Variants in PCSK5 observed in about 807,000 individuals in gnomAD.
PCSK5 encodes the protein prohormone convertase 5.
In PCSK5, 129 loss-of-function variants were observed where a neutral mutation model predicts 233.2. That is an observed-to-expected ratio of 0.55 (90% CI 0.48 to 0.64). The LOEUF (loss-of-function observed/expected upper bound fraction) is 0.64, where lower values mean the gene tolerates loss of function less well. PCSK5 is among the 30% of genes least tolerant of loss of function. The pLI, the probability that PCSK5 is intolerant of heterozygous loss-of-function variation, is 0.00. For missense variants in PCSK5, 2,076 were observed against 2,430.1 expected (o/e 0.85, Z 3.06); for synonymous variants, 825 against 879.2 (o/e 0.94, Z 1.09).
chr9:76,090,615 G>A lies in PCSK5; in HGVS notation c.895-5275G>A, dbSNP rs527565020. 8.5e-5 allele frequency among the ~76,000 whole-genome samples: 13 copies of A among 152,160 alleles called. No homozygotes were observed. In the South Asian group the frequency reaches 1.2e-3, roughly 15 times the overall value. On this transcript the variant is annotated intron_variant, in intron 7 of 37. Transcript: ENST00000674117. ...ATTGTTCTTCTCTTCCTCTCTCCTC[G>A]TATTAGCCTGGGCTACTGTAACAAA...
chr9:76,072,300 AG>A (rs1348501222), intron 7 of PCSK5, among the ~76,000 whole-genome samples: 2 of 152,090 alleles, frequency 1.3e-5, no homozygotes, highest in African/African-American at 4.8e-5. Flanking sequence ...TACTTTCCCT[AG>A]TTTCTCTCAC....
intron 2 of PCSK5, among the ~76,000 whole-genome samples, chr9:75,938,430 G>A (rs1454693355): frequency 6.6e-6 from 1 of 152,088 alleles, no homozygotes; most frequent in East Asian, 1.9e-4. Flanking sequence ...CAACATCAAA[G>A]ATCATTGATC....
intron 2 of PCSK5, among the ~76,000 whole-genome samples, chr9:75,944,929 GAGAA>G (rs1162572201): frequency 6.6e-6 from 1 of 151,974 alleles, no homozygotes; most frequent in African/African-American, 2.4e-5. Context: ...GACCAACATG[GAGAA>G]ACACCATCTC....
At chr9:76,345,325 C>T (rs1225040993) in intron 35 of PCSK5, among the ~76,000 whole-genome samples, 6 of 152,010 alleles carry the variant, frequency 3.9e-5, no homozygotes, top group African/African-American at 1.2e-4. Flanking sequence ...TTCCGCCTGC[C>T]GGGTTCAAGG....
rs371026471 is a variant in PCSK5 at position 75,926,325 on chromosome 9, T to C, written c.193-6054T>C. ...GCTGACAAATGTATATACCCAGTGA[T>C]GTGCTGATAAATAGTTAACTGGCCC... On this transcript the variant is annotated intron_variant, in intron 1 of 37. Coordinates refer to ENST00000674117, the MANE Select transcript of PCSK5 (RefSeq NM_001372043.1). Among the ~76,000 whole-genome samples the C allele has an allele frequency of 2.6e-5, 4 of 152,316 alleles. No individual in the cohort carries two copies. In the East Asian group the frequency reaches 5.8e-4, roughly 22 times the overall value.
At position 76,159,010 on chromosome 9, in the gene PCSK5, C is replaced by T. The variant is rs1822730440; in HGVS notation, c.1458C>T (p.Arg486=). ...IKTIRPNSAV[R]SIYKASGCSD... ...CAATCCGCCCTAACAGTGCAGTGCG[C>T]TCCATCTACAAAGCTTCAGGCTGCT... The change falls in exon 12 of 38, where the codon CGC becomes CGT. Residue 486 remains arginine (R), a synonymous_variant. Coordinates refer to ENST00000674117, the MANE Select transcript of PCSK5 (RefSeq NM_001372043.1). 6.2e-7 allele frequency: 1 copy of T among 1,614,010 alleles called. No individual in the cohort carries two copies. Among genetic ancestry groups the T allele is most frequent in the South Asian group, 1.1e-5 (1 of 91,086 alleles).
chr9:75,916,119 G>A (rs1044873780), intron 1 of PCSK5, among the ~76,000 whole-genome samples: 2 of 152,090 alleles, frequency 1.3e-5, no homozygotes, highest in African/African-American at 2.4e-5. Flanking sequence ...AGGAATTGTC[G>A]AGATAAAGAT....
intron 20 of PCSK5, among the ~76,000 whole-genome samples, chr9:76,198,728 A>C (rs1156362430): frequency 6.6e-6 from 1 of 152,236 alleles, no homozygotes; most frequent in East Asian, 1.9e-4. Flanking sequence ...TCCCCGCCAC[A>C]AACTAGGTTC....
In PCSK5 at chr9:76,086,639, T is replaced by G. The variant is rs140749476; in HGVS notation, c.895-9251T>G. ...ATTTTGTTTTTTTAATTTTCTCGAA[T>G]CCACTATTGTTAAGCATGTTTTCCT... is the stretch of plus-strand genomic sequence containing the variant. On this transcript the variant is annotated intron_variant, in intron 7 of 37. Transcript: ENST00000674117. Among the ~76,000 whole-genome samples the G allele has an allele frequency of 6.9e-3, 1,049 of 152,314 alleles. 13 individuals carry two copies. Among genetic ancestry groups the G allele is most frequent in the African/African-American group, 0.024 (979 of 41,574 alleles).
chr9:76,051,830 C>A (rs146727504), intron 5 of PCSK5, among the ~76,000 whole-genome samples: 8 of 152,290 alleles, frequency 5.3e-5, no homozygotes, highest in African/African-American at 1.9e-4. Flanking sequence ...CTGCTCCCAA[C>A]GCTCCAACCA....
chr9:76,310,262 A>AGAGTT (rs11421564), intron 29 of PCSK5, among the ~76,000 whole-genome samples: 3 of 151,688 alleles, frequency 2.0e-5, no homozygotes, highest in Middle Eastern at 3.4e-3. Flanking sequence ...AAAAAAAAAA[A>AGAGTT]GAGTTGCAAC....
intron 1 of PCSK5, among the ~76,000 whole-genome samples, chr9:75,928,378 G>C (rs1214292642): frequency 2.0e-5 from 3 of 151,750 alleles, no homozygotes; most frequent in African/African-American, 7.3e-5. Flanking sequence ...AGAGAAGCTA[G>C]ATGGAATGCC....
At chr9:75,933,785 C>T (rs1823920505) in intron 2 of PCSK5, among the ~76,000 whole-genome samples, 1 of 152,176 alleles carries the variant, frequency 6.6e-6, no homozygotes, top group African/African-American at 2.4e-5. Flanking sequence ...TCTGGAAAGG[C>T]AGTCCATTTG....
chr9:76,348,368 G>A (rs142515238), intron 35 of PCSK5, among the ~76,000 whole-genome samples: 2,141 of 152,090 alleles, frequency 0.014, 43 homozygotes, highest in African/African-American at 0.049. Flanking sequence ...CTGAGATTGC[G>A]CCACTGCACT....
chr9:75,949,681 C>G (rs1314315916), intron 2 of PCSK5, among the ~76,000 whole-genome samples: 1 of 152,046 alleles, frequency 6.6e-6, no homozygotes, highest in East Asian at 1.9e-4. Context: ...GCGCGCACCA[C>G]CACCCCCAGC....
At chr9:76,073,872 T>C (rs1228251617) in intron 7 of PCSK5, among the ~76,000 whole-genome samples, 2 of 152,082 alleles carry the variant, frequency 1.3e-5, no homozygotes, top group African/African-American at 4.8e-5. Context: ...AACTGGAAGC[T>C]TAGTGTGTAA....
Position 76,124,456 on chromosome 9 carries a change from G to C in PCSK5, c.1209-9653G>C, listed in dbSNP as rs192791225. The stretch of plus-strand genomic sequence containing the variant: ...TTGTCATCTCTTTCCTTAAAAATAT[G>C]CAAGAAGTGGCCGGGTGCAGTGGCT... On this transcript the variant is annotated intron_variant, in intron 9 of 37. Transcript: ENST00000674117. 3.3e-4 allele frequency among the ~76,000 whole-genome samples: 50 copies of C among 152,038 alleles called. 1 individual carries two copies. Among genetic ancestry groups the C allele is most frequent in the African/African-American group, 1.1e-3 (46 of 41,498 alleles).
At chr9:75,936,843 A>G (rs1332489073) in intron 2 of PCSK5, among the ~76,000 whole-genome samples, 2 of 152,218 alleles carry the variant, frequency 1.3e-5, no homozygotes, top group Admixed American at 6.5e-5. Context: ...TTCCAGATCC[A>G]TTAGAGGAAA....
intron 1 of PCSK5, among the ~76,000 whole-genome samples, chr9:75,900,240 T>C (rs534730531): frequency 2.6e-5 from 4 of 152,316 alleles, no homozygotes; most frequent in Non-Finnish European, 5.9e-5. Flanking sequence ...TCTTAAGCTC[T>C]CTGTTCCTCA....
Sources: gnomAD v4.1 joint callset for allele counts (sites outside exome capture counted in the v4.1 genomes callset) on GRCh38, gnomAD v4.1.1 for gene constraint, MANE v1.5 for transcripts, NCBI Gene and HGNC (gene_info 2026-07-23, HGNC 2026-07-21) for gene names.